Variants in TRIM38 observed in about 807,000 individuals in gnomAD.
TRIM38 encodes tripartite motif containing 38, also known as E3 ubiquitin-protein ligase TRIM38.
Under a neutral mutation model 35.8 loss-of-function variants are expected in TRIM38, and 35 were observed. The ratio of observed to expected loss-of-function variants is 0.98; its 90% CI spans 0.75 to 1.30. TRIM38 has a LOEUF of 1.30. TRIM38 is among the 50% of genes most tolerant of loss of function. The pLI, the probability that TRIM38 is intolerant of heterozygous loss-of-function variation, is 0.00. For missense variants in TRIM38, 545 were observed against 556.9 expected, an observed-to-expected ratio of 0.98 and a Z score of 0.21; for synonymous variants, 198 against 204.7, an observed-to-expected ratio of 0.97 and a Z score of 0.28.
At chr6:25,977,812 TA>T (rs1760441054) in intron 7 of TRIM38, among the ~76,000 whole-genome samples, 1 of 152,142 alleles carries the variant, frequency 6.6e-6, no homozygotes, top group African/African-American at 2.4e-5. Flanking sequence ...AGACAATTGC[TA>T]GGTTGGTGAG....
chr6:25,987,979 A>G lies in TRIM38; in HGVS notation c.*4292A>G, dbSNP rs545973572. 2.6e-5 allele frequency: 4 copies of G among 152,282 alleles called. No individual in the cohort carries two copies. The highest frequency in any genetic ancestry group is 9.6e-5 in the African/African-American group (4 of 41,544). 9.4% of individuals were successfully genotyped at this position (152,282 alleles called of 1,614,324 possible). A position where few individuals can be genotyped will look rare whatever the true frequency, so the allele number is the denominator to read the frequency against. On this transcript the variant is annotated 3_prime_UTR_variant, in exon 8 of 8. Transcript: ENST00000357085. ...AGGCAGGGACTTTACTCCGGACCAG[A>G]TTGAAGACTAGCCGAAACAGGGACG...
chr6:25,972,829 A>G (rs748858289), intron 5 of TRIM38, among the ~76,000 whole-genome samples: 1 of 152,250 alleles, frequency 6.6e-6, no homozygotes, highest in African/African-American at 2.4e-5. Context: ...ACATCCTGCC[A>G]TGCTGAATCT....
In TRIM38 at chr6:25,973,290, G is replaced by A. The variant is rs772766089; in HGVS notation, c.874+5G>A. Reference sequence around the variant, plus strand: ...AAATGTTAAGGAGTCATCAAGGTATGTTCACTAAAGAATTCCTGAATACTG... The same window carrying A: ...AAATGTTAAGGAGTCATCAAGGTATATTCACTAAAGAATTCCTGAATACTG... On this transcript the variant is annotated splice_donor_5th_base_variant and intron_variant, in intron 7 of 7. Coordinates refer to ENST00000357085, the MANE Select transcript of TRIM38 (RefSeq NM_006355.5). 1 of 1,612,702 alleles carries A rather than the reference G, an allele frequency of 6.2e-7. No individual in the cohort carries two copies. The highest frequency in any genetic ancestry group is 1.7e-5 in the Admixed American group (1 of 60,008).
intron 7 of TRIM38, among the ~76,000 whole-genome samples, chr6:25,981,238 T>G (rs948333310): frequency 6.6e-6 from 1 of 152,250 alleles, no homozygotes; most frequent in Non-Finnish European, 1.5e-5. Flanking sequence ...CAAGGCTGCT[T>G]CTTTGTGCCC....
intron 7 of TRIM38, among the ~76,000 whole-genome samples, chr6:25,981,619 A>T (rs1251641950): frequency 6.6e-6 from 1 of 152,084 alleles, no homozygotes; most frequent in Non-Finnish European, 1.5e-5. Context: ...ATTGGTCCTC[A>T]GTGTATTATT....
In TRIM38 at chr6:25,973,077, G is replaced by T. The variant is rs746914176; in HGVS notation, c.761+1G>T. On this transcript the variant is annotated splice_donor_variant, in intron 6 of 7. Transcript: ENST00000357085. LOFTEE classifies it high-confidence loss of function. Reference sequence around the variant, plus strand: ...AGAATGTGAATGACACTTTGAGCAGGTAAGTCCTGTTTGAATGCAGGAGGG... The same window carrying T: ...AGAATGTGAATGACACTTTGAGCAGTTAAGTCCTGTTTGAATGCAGGAGGG... 5.6e-6 allele frequency: 9 copies of T among 1,614,156 alleles called. No individual in the cohort carries two copies. Among genetic ancestry groups the T allele is most frequent in the Non-Finnish European group, 7.6e-6 (9 of 1,180,024 alleles).
rs1760703979 is a variant in TRIM38 at position 25,986,260 on chromosome 6, C to T, written c.*2573C>T. On this transcript the variant is annotated 3_prime_UTR_variant, in exon 8 of 8. Transcript: ENST00000357085. Reference sequence around the variant, plus strand: ...CTTACAGAGCAGCCAGGCATGGTGGCTCACACCTGTAATCCTGTCACTTTG... The same window carrying T: ...CTTACAGAGCAGCCAGGCATGGTGGTTCACACCTGTAATCCTGTCACTTTG... The T allele has an allele frequency of 6.6e-6, 1 of 152,182 alleles. No homozygotes were observed. Among genetic ancestry groups the T allele is most frequent in the Admixed American group, 6.5e-5 (1 of 15,268 alleles). The allele number at this position is 152,182 out of a possible 1,614,324, so 9.4% of individuals were successfully genotyped here. A position where few individuals can be genotyped will look rare whatever the true frequency, so the allele number is the denominator to read the frequency against.
intron 7 of TRIM38, among the ~76,000 whole-genome samples, chr6:25,978,395 TG>T (rs1760456805): frequency 6.6e-6 from 1 of 152,140 alleles, no homozygotes; most frequent in African/African-American, 2.4e-5. Context: ...TGTCTATATC[TG>T]TATCTATCTA....
intron 7 of TRIM38, among the ~76,000 whole-genome samples, chr6:25,980,697 A>T (rs765099738): frequency 4.6e-5 from 7 of 152,244 alleles, no homozygotes; most frequent in Non-Finnish European, 8.8e-5. Flanking sequence ...CTGGGATTAC[A>T]GGCATGAGCC....
At chr6:25,973,803 T>C in intron 7 of TRIM38, 1 of 985,448 alleles carries the variant, frequency 1.0e-6, no homozygotes, top group Non-Finnish European at 1.2e-6. Flanking sequence ...AGATGACAAA[T>C]GTTACAACCA....
intron 2 of TRIM38, among the ~76,000 whole-genome samples, chr6:25,964,021 T>C (rs1365577727): frequency 6.6e-6 from 1 of 152,080 alleles, no homozygotes; most frequent in Non-Finnish European, 1.5e-5. Flanking sequence ...TCAAATTTTA[T>C]TGTCATGATG....
chr6:25,981,983 C>G (rs150587400), intron 7 of TRIM38, among the ~76,000 whole-genome samples: 1 of 152,274 alleles, frequency 6.6e-6, no homozygotes, highest in East Asian at 1.9e-4. Context: ...GTTAGAAGAG[C>G]TGAAGCAGGA....
intron 7 of TRIM38, among the ~76,000 whole-genome samples, chr6:25,978,197 C>T (rs1760451572): frequency 6.6e-6 from 1 of 152,052 alleles, no homozygotes; most frequent in Admixed American, 6.6e-5. Context: ...CTGAGTGGTG[C>T]AGTAGTGCGA....
At chr6:25,983,120 C>A in intron 7 of TRIM38, 44 bp from the exon 8 acceptor site, 1 of 1,521,756 alleles carries the variant, frequency 6.6e-7, no homozygotes, top group Admixed American at 2.2e-5. Context: ...CTGTGTTCTT[C>A]ACAGCAACAA....
In TRIM38 at chr6:25,966,492, G is replaced by C; in HGVS notation, c.-31G>C. The C allele has an allele frequency of 6.4e-7, 1 of 1,555,048 alleles. No individual in the cohort carries two copies. The highest frequency in any genetic ancestry group is 8.7e-7 in the Non-Finnish European group (1 of 1,152,086). ...TCTGGCTGCTTCATCTCCATCTCTA[G>C]AGCCAATATTGGAGCTTTTCAATAA... On this transcript the variant is annotated 5_prime_UTR_variant, in exon 3 of 8. Coordinates refer to ENST00000357085, the MANE Select transcript of TRIM38 (RefSeq NM_006355.5).
intron 7 of TRIM38, among the ~76,000 whole-genome samples, chr6:25,978,093 C>T (rs964248444): frequency 1.3e-5 from 2 of 151,828 alleles, no homozygotes; most frequent in African/African-American, 4.8e-5. Context: ...TATATATATA[C>T]ACATACACAC....
At chr6:25,972,924 A>C in intron 5 of TRIM38, 130 bp from the exon 6 acceptor site, 1 of 1,151,592 alleles carries the variant, frequency 8.7e-7, no homozygotes, top group East Asian at 2.5e-5. Flanking sequence ...GTATCCATCA[A>C]TATCTAAGAC....
intron 7 of TRIM38, 42 bp downstream of exon 7, chr6:25,973,327 G>C (rs1294884640): frequency 1.6e-5 from 25 of 1,593,784 alleles, no homozygotes; most frequent in Non-Finnish European, 2.0e-5. Flanking sequence ...GGATAGAAGG[G>C]GCCTTATGCA....
Position 25,989,507 on chromosome 6 carries a change from ATTCTTTT to A in TRIM38, c.*5823_*5829del, listed in dbSNP as rs1277524691. 2.7e-5 allele frequency: 3 copies of A among 109,948 alleles called. No homozygotes were observed. The highest frequency in any genetic ancestry group is 2.9e-4 in the East Asian group (1 of 3,428). 6.8% of individuals were successfully genotyped at this position (109,948 alleles called of 1,614,324 possible). ...TTTGCTATTGTTAGCAAGGTCTTGT[ATTCTTTT>A]TTTTTTTTTTTTTTTTTTTTAATAG... On this transcript the variant is annotated 3_prime_UTR_variant, in exon 8 of 8. Transcript: ENST00000357085.
Sources: allele counts gnomAD v4.1 joint callset (sites outside exome capture counted in the v4.1 genomes callset), GRCh38; gene constraint gnomAD v4.1.1; transcripts MANE v1.5; gene names NCBI Gene and HGNC (gene_info 2026-07-23, HGNC 2026-07-21).